Variants in KCNG2 observed in about 807,000 individuals in gnomAD.
KCNG2 encodes the protein voltage-gated potassium channel regulatory subunit KCNG2.
KCNG2 carries 7 observed loss-of-function variants against 12.3 expected under a neutral mutation model. That is an observed-to-expected ratio of 0.57 (90% CI 0.32 to 1.07). The LOEUF (loss-of-function observed/expected upper bound fraction) is 1.07. KCNG2 is among the 50% of genes least tolerant of loss of function. The pLI is 0.04. For synonymous variants in KCNG2, 414 were observed against 351.4 expected (o/e 1.18, Z -1.99); for missense variants, 703 against 726.0 (o/e 0.97, Z 0.36).
rs748676278 is a variant in KCNG2 at position 79,899,823 on chromosome 18, C to T, written c.*7C>T. 42 of 1,359,714 alleles carry T rather than the reference C, an allele frequency of 3.1e-5. No homozygotes were observed. Among genetic ancestry groups the T allele is most frequent in the East Asian group, 6.0e-5 (2 of 33,160 alleles). The allele number at this position is 1,359,714 out of a possible 1,614,324, so 84.2% of individuals were successfully genotyped here. ...GGTGCGGGCAGGGCGCTGACGCCTGCGCCGCCCACACGGAGACCCCCTGCC... is the reference window on the plus strand; with the variant it reads ...GGTGCGGGCAGGGCGCTGACGCCTGTGCCGCCCACACGGAGACCCCCTGCC... On this transcript the variant is annotated 3_prime_UTR_variant, in exon 4 of 4. Coordinates refer to ENST00000316249, the MANE Select transcript of KCNG2 (RefSeq NM_012283.2).
rs1233027661 is a variant in KCNG2 at position 79,864,329 on chromosome 18, C to T, written c.624+38C>T. ...GGGGGTGGCGGGGACCGGGCCGGAG[C>T]TGGGGCTGGGCTGGGATCTGGGCTG... On this transcript the variant is annotated intron_variant, in intron 3 of 3. Coordinates refer to ENST00000316249, the MANE Select transcript of KCNG2 (RefSeq NM_012283.2). 5 of 820,022 alleles carry T rather than the reference C, an allele frequency of 6.1e-6. No individual in the cohort carries two copies. The Admixed American group carries it at 1.7e-4, about 27-fold the overall frequency. The allele number at this position is 820,022 out of a possible 1,614,324, so 50.8% of individuals were successfully genotyped here.
At chr18:79,809,481 A>G (rs1448561050) in intron 1 of KCNG2, among the ~76,000 whole-genome samples, 7 of 100,032 alleles carry the variant, frequency 7.0e-5, no homozygotes, top group African/African-American at 2.6e-4. Flanking sequence ...ACCACACTCC[A>G]CGTTATGGGC....
At chr18:79,840,997 G>A (rs1240583090) in intron 1 of KCNG2, among the ~76,000 whole-genome samples, 1 of 152,214 alleles carries the variant, frequency 6.6e-6, no homozygotes, top group African/African-American at 2.4e-5. Context: ...GCCTGGTTGT[G>A]GTGGCTGATG....
Position 79,864,289 on chromosome 18 carries a change from C to T in KCNG2, c.622C>T (p.Arg208Trp). 1 of 1,388,946 alleles carries T rather than the reference C, an allele frequency of 7.2e-7. No individual in the cohort carries two copies. The highest frequency in any genetic ancestry group is 9.4e-7 in the Non-Finnish European group (1 of 1,059,234). 86.0% of individuals were successfully genotyped at this position (1,388,946 alleles called of 1,614,324 possible). The change falls in exon 3 of 4, where the codon CGG becomes TGG. Residue 208 changes from arginine (R) to tryptophan (W), a missense_variant and splice_region_variant. Coordinates refer to ENST00000316249, the MANE Select transcript of KCNG2 (RefSeq NM_012283.2). ...GCCGGACATCCGCGCCGAGGAGGAG[C>T]GGGTGAGCGCGGCCGGGGGTGGCGG... Reference protein sequence around the residue: ...TMPDIRAEEERGECSPKCRSL... With the variant: ...TMPDIRAEEEWGECSPKCRSL...
chr18:79,822,800 C>G lies in KCNG2; in HGVS notation c.-115+24786C>G, dbSNP rs190131869. Among the ~76,000 whole-genome samples the G allele has an allele frequency of 5.9e-5, 9 of 152,262 alleles. 1 individual carries two copies. In the East Asian group the frequency reaches 1.7e-3, roughly 29 times the overall value. On this transcript the variant is annotated intron_variant, in intron 1 of 3. Coordinates refer to ENST00000316249, the MANE Select transcript of KCNG2 (RefSeq NM_012283.2). This position sits in a 1 kb window ranked among gnomAD's most constrained non-coding sequence, Gnocchi z 4.4. ...TGTGGCTCTTCTAGTCTTTAGCCTC[C>G]GGATTTCATGGAAACACATTTTCCA... is the stretch of plus-strand genomic sequence containing the variant.
chr18:79,834,885 G>T (rs906311397), intron 1 of KCNG2, among the ~76,000 whole-genome samples: 1 of 152,226 alleles, frequency 6.6e-6, no homozygotes, highest in African/African-American at 2.4e-5. Context: ...AAACTCAGGA[G>T]CCATGCTGGG....
At chr18:79,841,924 A>G (rs1007008954) in intron 1 of KCNG2, among the ~76,000 whole-genome samples, 2 of 152,224 alleles carry the variant, frequency 1.3e-5, no homozygotes, top group Non-Finnish European at 2.9e-5. Flanking sequence ...ATAGCACAAT[A>G]TGGAGATACT....
At chr18:79,866,299 C>A (rs1424475054) in intron 3 of KCNG2, among the ~76,000 whole-genome samples, 8 of 117,950 alleles carry the variant, frequency 6.8e-5, no homozygotes, top group South Asian at 2.9e-4. Flanking sequence ...GGTCTGTGTG[C>A]TGAGAGTGTG....
At chr18:79,829,363 G>A (rs1210955810) in intron 1 of KCNG2, among the ~76,000 whole-genome samples, 3 of 152,230 alleles carry the variant, frequency 2.0e-5, no homozygotes, top group East Asian at 3.9e-4. Flanking sequence ...GTATCTGCAC[G>A]TGTCACTCCC....
At chr18:79,812,580 G>A (rs1421047039) in intron 1 of KCNG2, among the ~76,000 whole-genome samples, 1 of 152,196 alleles carries the variant, frequency 6.6e-6, no homozygotes, top group Admixed American at 6.5e-5. Flanking sequence ...AAAACTATAA[G>A]CCGGGCCTGG....
intron 1 of KCNG2, among the ~76,000 whole-genome samples, chr18:79,835,241 G>A (rs1017665883): frequency 3.3e-5 from 5 of 152,192 alleles, no homozygotes; most frequent in Admixed American, 2.0e-4. Flanking sequence ...AGCAGAGCCA[G>A]CATCTGAGAG....
intron 1 of KCNG2, among the ~76,000 whole-genome samples, chr18:79,852,302 C>T (rs1978852183): frequency 6.6e-6 from 1 of 152,272 alleles, no homozygotes; most frequent in Non-Finnish European, 1.5e-5. Flanking sequence ...AACGCGCCAT[C>T]TATCTCCAGC....
At chr18:79,877,125 TG>T (rs1331405639) in intron 3 of KCNG2, among the ~76,000 whole-genome samples, 1 of 152,278 alleles carries the variant, frequency 6.6e-6, no homozygotes, top group Non-Finnish European at 1.5e-5. Context: ...TGTCTTCATT[TG>T]ACGCAAGAGG....
intron 1 of KCNG2, chr18:79,816,115 G>C (rs1405500886): frequency 6.6e-6 from 1 of 152,232 alleles, no homozygotes; most frequent in Admixed American, 6.5e-5. Flanking sequence ...AACTGATGTA[G>C]AGAAAAATAA....
rs2087429283 is a variant in KCNG2 at position 79,803,813 on chromosome 18, G to A, written c.-115+5799G>A. 6.6e-6 allele frequency among the ~76,000 whole-genome samples: 1 copy of A among 152,206 alleles called. No individual in the cohort carries two copies. The highest frequency in any genetic ancestry group is 2.4e-5 in the African/African-American group (1 of 41,456). ...AGGATGCCAGCAGGTGCCTGAGACT[G>A]GGCTGCCTCCAAGTTTCTCCTCACT... On this transcript the variant is annotated intron_variant, in intron 1 of 3. Coordinates refer to ENST00000316249, the MANE Select transcript of KCNG2 (RefSeq NM_012283.2). The surrounding 1 kb of genome is among the most constrained non-coding windows in gnomAD (Gnocchi z 4.5).
At chr18:79,841,112 G>A (rs1568252532) in intron 1 of KCNG2, among the ~76,000 whole-genome samples, 1 of 151,662 alleles carries the variant, frequency 6.6e-6, no homozygotes, top group Non-Finnish European at 1.5e-5. Context: ...TCTATGAAAA[G>A]AAAAAAAAGT....
At chr18:79,867,710 T>C (rs545026767) in intron 3 of KCNG2, among the ~76,000 whole-genome samples, 81 of 152,134 alleles carry the variant, frequency 5.3e-4, no homozygotes, top group Non-Finnish European at 9.6e-4. Context: ...AGTGTTGCCC[T>C]GAAAAAGTCT....
intron 2 of KCNG2, among the ~76,000 whole-genome samples, chr18:79,858,192 G>T (rs1979088007): frequency 6.6e-6 from 1 of 152,094 alleles, no homozygotes; most frequent in Non-Finnish European, 1.5e-5. Context: ...GGTAGAGACA[G>T]GGTTTCGCCA....
intron 2 of KCNG2, among the ~76,000 whole-genome samples, chr18:79,857,188 A>C (rs1411295008): frequency 8.4e-6 from 1 of 118,664 alleles, no homozygotes; most frequent in African/African-American, 3.2e-5. Flanking sequence ...TTTGGATCAC[A>C]TGTTCACTGA....
Sources: gnomAD v4.1 joint callset for allele counts (sites outside exome capture counted in the v4.1 genomes callset) on GRCh38, gnomAD v4.1.1 for gene constraint, Gnocchi (gnomAD v3.1) non-coding constraint, MANE v1.5 for transcripts, NCBI Gene and HGNC (gene_info 2026-07-23, HGNC 2026-07-21) for gene names.